OR1J2: variants seen among roughly 807,000 people sequenced by gnomAD.
OR1J2 encodes olfactory receptor family 1 subfamily J member 2, also known as olfactory receptor 1J2.
For synonymous variants in OR1J2, 142 were observed against 99.7 expected (o/e 1.42, Z -2.52); for missense variants, 304 against 246.1 (o/e 1.24, Z -1.57).
chr9:122,504,458 AT>A, the OR1J2 span, among the ~76,000 whole-genome samples: 1 of 152,156 alleles, frequency 6.6e-6, no homozygotes, highest in Admixed American at 6.5e-5. Flanking sequence ...TTATCTAGTC[AT>A]TTGATAAATT....
chr9:122,541,027 T>C, the OR1J2 span, among the ~76,000 whole-genome samples: 1 of 152,170 alleles, frequency 6.6e-6, no homozygotes, highest in East Asian at 1.9e-4. Context: ...CTAATCACAT[T>C]GACCAACCTC....
downstream of OR1J2, among the ~76,000 whole-genome samples, chr9:122,511,977 G>T (rs1303615921): frequency 6.6e-6 from 1 of 152,132 alleles, no homozygotes; most frequent in Non-Finnish European, 1.5e-5. Flanking sequence ...TCTGCAACTT[G>T]GAGAAGGGAC....
At chr9:122,492,356 T>C in the OR1J2 span, among the ~76,000 whole-genome samples, 1 of 152,198 alleles carries the variant, frequency 6.6e-6, no homozygotes, top group Non-Finnish European at 1.5e-5. Context: ...CTTCATAGTA[T>C]TCCATGGTAT....
downstream of OR1J2, among the ~76,000 whole-genome samples, chr9:122,513,409 A>G (rs1165147475): frequency 6.6e-6 from 1 of 152,166 alleles, no homozygotes; most frequent in Non-Finnish European, 1.5e-5. Flanking sequence ...TTATTCAGCT[A>G]ATTTCATTCC....
the OR1J2 span, among the ~76,000 whole-genome samples, chr9:122,557,037 T>C: frequency 1.3e-5 from 2 of 152,184 alleles, no homozygotes; most frequent in Non-Finnish European, 1.5e-5. Context: ...ATTCCATTTG[T>C]TCATTGCTGC....
At chr9:122,557,979 T>C in the OR1J2 span, among the ~76,000 whole-genome samples, 1 of 152,028 alleles carries the variant, frequency 6.6e-6, no homozygotes, top group Non-Finnish European at 1.5e-5. Flanking sequence ...ATTTAAGTTA[T>C]CATGTTTGTG....
the OR1J2 span, chr9:122,519,688 C>T: frequency 1.9e-6 from 3 of 1,613,944 alleles, no homozygotes; most frequent in African/African-American, 2.7e-5. Context: ...GATCTTGTTG[C>T]CCTACTCAAG....
At chr9:122,498,644 G>C in the OR1J2 span, among the ~76,000 whole-genome samples, 3 of 152,066 alleles carry the variant, frequency 2.0e-5, no homozygotes, top group South Asian at 6.2e-4. Flanking sequence ...TTCCATTTTG[G>C]CTAGGGACCT....
chr9:122,526,916 G>T, the OR1J2 span: 9 of 1,614,166 alleles, frequency 5.6e-6, no homozygotes, highest in Middle Eastern at 1.6e-4. Flanking sequence ...AGCAGAGGGG[G>T]TGGCAAATGG....
the OR1J2 span, chr9:122,519,893 T>G: frequency 2.5e-6 from 4 of 1,614,064 alleles, no homozygotes; most frequent in African/African-American, 1.3e-5. Flanking sequence ...TGTCTCTGTA[T>G]TATGGCACAA....
the OR1J2 span, among the ~76,000 whole-genome samples, chr9:122,520,941 T>C: frequency 6.6e-6 from 1 of 152,202 alleles, no homozygotes; most frequent in Non-Finnish European, 1.5e-5. Context: ...TTCCTCTACT[T>C]AAAGATAAAC....
At chr9:122,566,992 TAAAG>T in the OR1J2 span, 22 of 152,042 alleles carry the variant, frequency 1.4e-4, no homozygotes, top group East Asian at 3.5e-3. Flanking sequence ...AGCAGTATAA[TAAAG>T]GAAGGATAGA....
At chr9:122,466,892 C>A in the OR1J2 span, among the ~76,000 whole-genome samples, 2 of 152,032 alleles carry the variant, frequency 1.3e-5, no homozygotes, top group Non-Finnish European at 2.9e-5. Flanking sequence ...GATCTCGGCA[C>A]ACAGCAACCT....
At chr9:122,469,283 T>A in the OR1J2 span, among the ~76,000 whole-genome samples, 1 of 152,204 alleles carries the variant, frequency 6.6e-6, no homozygotes, top group Non-Finnish European at 1.5e-5. Flanking sequence ...CAGTGGTAGA[T>A]AATTTGAATC....
the OR1J2 span, among the ~76,000 whole-genome samples, chr9:122,557,135 A>T: frequency 6.6e-6 from 1 of 152,012 alleles, no homozygotes. Flanking sequence ...AGATTTTTGG[A>T]TATTTTGGAT....
At chr9:122,527,146 C>T in the OR1J2 span, 1 of 1,614,094 alleles carries the variant, frequency 6.2e-7, no homozygotes, top group Non-Finnish European at 8.5e-7. Context: ...AGGTGCAGGT[C>T]AGAGCCAATG....
At chr9:122,480,034 G>C in the OR1J2 span, among the ~76,000 whole-genome samples, 2 of 152,016 alleles carry the variant, frequency 1.3e-5, no homozygotes, top group Admixed American at 1.3e-4. Flanking sequence ...TGTTCTTTCA[G>C]CATCTCTGAA....
the OR1J2 span, among the ~76,000 whole-genome samples, chr9:122,495,912 G>A: frequency 1.3e-5 from 2 of 152,114 alleles, no homozygotes; most frequent in African/African-American, 4.8e-5. Flanking sequence ...CTTCCCCTAG[G>A]AATGGGGCTT....
the OR1J2 span, among the ~76,000 whole-genome samples, chr9:122,531,905 T>G: frequency 6.6e-6 from 1 of 152,168 alleles, no homozygotes; most frequent in Non-Finnish European, 1.5e-5. Context: ...AGTGAAAGTG[T>G]CTACCTAGAC....
Sources: allele counts gnomAD v4.1 joint callset (sites outside exome capture counted in the v4.1 genomes callset), GRCh38; gene constraint gnomAD v4.1.1; transcripts MANE v1.5; gene names NCBI Gene and HGNC (gene_info 2026-07-23, HGNC 2026-07-21).